CNTN4: variants seen among roughly 807,000 people sequenced by gnomAD.
The protein encoded by CNTN4 is contactin 4.
CNTN4 carries 77 observed loss-of-function variants against 122.5 expected under a neutral mutation model. The ratio of observed to expected loss-of-function variants is 0.63; its 90% CI spans 0.52 to 0.76. The LOEUF (loss-of-function observed/expected upper bound fraction) is 0.76, where lower values mean the gene tolerates loss of function less well. CNTN4 is among the 30% of genes least tolerant of loss of function. The pLI is 0.00. For synonymous variants in CNTN4, 512 were observed against 447.0 expected, an observed-to-expected ratio of 1.15 and a Z score of -1.83; for missense variants, 1,256 against 1,259.1, an observed-to-expected ratio of 1.00 and a Z score of 0.04.
intron 13 of CNTN4, among the ~76,000 whole-genome samples, chr3:2,939,913 G>A (rs4685583): frequency 0.65 from 97,998 of 151,852 alleles, 31,699 homozygotes; most frequent in Middle Eastern, 0.77. Context: ...ATAGCTTGAT[G>A]TTAGCCATCG....
At chr3:2,523,604 G>T (rs1188071296) in intron 3 of CNTN4, among the ~76,000 whole-genome samples, 1 of 151,930 alleles carries the variant, frequency 6.6e-6, no homozygotes, top group Non-Finnish European at 1.5e-5. Flanking sequence ...CCTTGGCTTT[G>T]AACTTGAAAA....
chr3:2,185,105 G>A (rs927251019), intron 2 of CNTN4, among the ~76,000 whole-genome samples: 1 of 152,168 alleles, frequency 6.6e-6, no homozygotes, highest in African/African-American at 2.4e-5. Context: ...TTTGAATGGA[G>A]CCTGGCCTGG....
At chr3:2,416,706 T>G (rs1034537446) in intron 3 of CNTN4, among the ~76,000 whole-genome samples, 1 of 152,006 alleles carries the variant, frequency 6.6e-6, no homozygotes, top group African/African-American at 2.4e-5. Context: ...CAGGCTGGAG[T>G]GCAGTGGTGT....
At position 2,385,192 on chromosome 3, in the gene CNTN4, CT is replaced by C. The variant is rs1396828862; in HGVS notation, c.-89+45964del. Among the ~76,000 whole-genome samples, 3 of 152,122 alleles carry C rather than the reference CT, an allele frequency of 2.0e-5. No homozygotes were observed. Among genetic ancestry groups the C allele is most frequent in the African/African-American group, 7.2e-5 (3 of 41,444 alleles). ...ATATCAACAAGGTTAATCCCAAACT[CT>C]TTTTAAAAATAATCTGTCTACTACT... is the stretch of plus-strand genomic sequence containing the variant. On this transcript the variant is annotated intron_variant, in intron 3 of 24. Coordinates refer to ENST00000418658, the MANE Select transcript of CNTN4 (RefSeq NM_175607.3). The surrounding 1 kb of genome is among the most constrained non-coding windows in gnomAD (Gnocchi z 4.0).
intron 8 of CNTN4, among the ~76,000 whole-genome samples, chr3:2,872,259 C>T (rs753835248): frequency 1.3e-5 from 2 of 152,164 alleles, no homozygotes; most frequent in African/African-American, 4.8e-5. Context: ...TTACATGGCT[C>T]TCTCTAAAAT....
In CNTN4 at chr3:2,724,508, G is replaced by A. The variant is rs576537823; in HGVS notation, c.56-11707G>A. Among the ~76,000 whole-genome samples, 18 of 152,324 alleles carry A rather than the reference G, an allele frequency of 1.2e-4. No homozygotes were observed. The East Asian group carries it at 3.3e-3, about 28-fold the overall frequency. Reference sequence around the variant, plus strand: ...AATATGTTCTCCAAGTTTTGCTTGAGTAGCTTTCAGATTACTCCCTTTCAC... The same window carrying A: ...AATATGTTCTCCAAGTTTTGCTTGAATAGCTTTCAGATTACTCCCTTTCAC... On this transcript the variant is annotated intron_variant, in intron 4 of 24. Coordinates refer to ENST00000418658, the MANE Select transcript of CNTN4 (RefSeq NM_175607.3).
chr3:2,787,317 AGT>A (rs201678555), intron 6 of CNTN4, among the ~76,000 whole-genome samples: 8,540 of 152,218 alleles, frequency 0.056, 277 homozygotes, highest in Non-Finnish European at 0.07. Context: ...TGGAGGTTGC[AGT>A]GAGCCGAGAT....
chr3:2,930,279 C>G (rs1468653359), intron 13 of CNTN4, among the ~76,000 whole-genome samples: 1 of 152,106 alleles, frequency 6.6e-6, no homozygotes, highest in African/African-American at 2.4e-5. Flanking sequence ...CTTTATTTAT[C>G]TCCACAGAAA....
intron 2 of CNTN4, among the ~76,000 whole-genome samples, chr3:2,111,305 T>C (rs1277551151): frequency 6.6e-6 from 1 of 152,226 alleles, no homozygotes; most frequent in Non-Finnish European, 1.5e-5. Context: ...GTTTATAGTA[T>C]GTGGTGTAAG....
intron 3 of CNTN4, among the ~76,000 whole-genome samples, chr3:2,389,685 T>A (rs1667671974): frequency 1.3e-5 from 2 of 152,170 alleles, no homozygotes; most frequent in African/African-American, 2.4e-5. Flanking sequence ...GTATCCCCAT[T>A]GCCTAGAAAG....
intron 3 of CNTN4, among the ~76,000 whole-genome samples, chr3:2,450,367 A>AAAT (rs2048782285): frequency 6.7e-6 from 1 of 148,418 alleles, no homozygotes; most frequent in Non-Finnish European, 1.5e-5. Context: ...ACTCTGTCTC[A>AAAT]AAATAAATAA....
chr3:2,420,017 G>C (rs943598235), intron 3 of CNTN4, among the ~76,000 whole-genome samples: 4 of 152,180 alleles, frequency 2.6e-5, no homozygotes, highest in Non-Finnish European at 4.4e-5. Context: ...ACATCTGGAA[G>C]ACAGTCTGGC....
At chr3:2,664,460 A>T (rs921041642) in intron 4 of CNTN4, among the ~76,000 whole-genome samples, 10 of 146,654 alleles carry the variant, frequency 6.8e-5, no homozygotes, top group African/African-American at 2.4e-4. Context: ...TTAGCATTGA[A>T]TTTTATGATA....
intron 4 of CNTN4, among the ~76,000 whole-genome samples, chr3:2,583,689 G>A (rs755399142): frequency 2.3e-4 from 35 of 152,122 alleles, no homozygotes; most frequent in East Asian, 5.8e-4. Flanking sequence ...AAATATTTAC[G>A]CATTCTTTAT....
At chr3:2,998,142 T>C (rs777551070) in intron 14 of CNTN4, among the ~76,000 whole-genome samples, 2 of 152,166 alleles carry the variant, frequency 1.3e-5, no homozygotes, top group Non-Finnish European at 2.9e-5. Context: ...GTCCACAGCA[T>C]GGGTAGAACA....
chr3:2,418,583 C>T (rs1259256899), intron 3 of CNTN4, among the ~76,000 whole-genome samples: 4 of 151,960 alleles, frequency 2.6e-5, no homozygotes. Context: ...TGTAATTTGG[C>T]GATTGCATTT....
At chr3:2,268,468 GCTC>G (rs1276888850) in intron 2 of CNTN4, among the ~76,000 whole-genome samples, 2 of 151,034 alleles carry the variant, frequency 1.3e-5, no homozygotes, top group Non-Finnish European at 2.9e-5. Context: ...TAAATTTTAA[GCTC>G]CTTGGGAGCA....
At chr3:2,266,338 T>C (rs1202139232) in intron 2 of CNTN4, among the ~76,000 whole-genome samples, 1 of 152,144 alleles carries the variant, frequency 6.6e-6, no homozygotes, top group Non-Finnish European at 1.5e-5. Context: ...TAACCATTTA[T>C]CAAGTCATGT....
chr3:2,672,737 T>G (rs961644620), intron 4 of CNTN4, among the ~76,000 whole-genome samples: 9 of 152,292 alleles, frequency 5.9e-5, no homozygotes, highest in Middle Eastern at 3.4e-3. Context: ...CGGCCATCTA[T>G]AAAATGTTTT....
Sources: allele counts gnomAD v4.1 joint callset (sites outside exome capture counted in the v4.1 genomes callset), GRCh38; gene constraint gnomAD v4.1.1; non-coding constraint Gnocchi (gnomAD v3.1); transcripts MANE v1.5; gene names NCBI Gene and HGNC (gene_info 2026-07-23, HGNC 2026-07-21).